The following KCTD19 variants were observed in gnomAD, a reference collection of about 807,000 sequenced individuals.
The protein encoded by KCTD19 is potassium channel tetramerization domain containing 19.
A neutral mutation model predicts 103.5 loss-of-function variants in KCTD19; 67 were observed. That is an observed-to-expected ratio of 0.65 (90% CI 0.53 to 0.79). The LOEUF (loss-of-function observed/expected upper bound fraction) is 0.79. KCTD19 is among the 30% of genes least tolerant of loss of function. The pLI is 0.00. For missense variants in KCTD19, 980 were observed against 1,136.1 expected (o/e 0.86, Z 1.98); for synonymous variants, 439 against 452.2 (o/e 0.97, Z 0.37).
At chr16:67,295,872 G>A in intron 8 of KCTD19, 2 of 401,058 alleles carry the variant, frequency 5.0e-6, no homozygotes, top group South Asian at 5.3e-5. Flanking sequence ...AGCCTCCCAA[G>A]TATCTGGGAT....
rs187873113 is a variant in KCTD19, at chr16:67,313,138, C to T, written c.300+7451G>A. On this transcript the variant is annotated intron_variant, in intron 2 of 15. Transcript: ENST00000304372. ...TTTTTTTTTTTTTTTGAGACAGAGT[C>T]TCCCTCAGTCGCCCAGGCTGGAGTG... Among the ~76,000 whole-genome samples, 434 of 149,880 alleles carry T rather than the reference C, an allele frequency of 2.9e-3. 1 individual carries two copies. The highest frequency in any genetic ancestry group is 0.01 in the African/African-American group (417 of 40,644).
At chr16:67,312,844 TC>T (rs2036963259) in intron 2 of KCTD19, among the ~76,000 whole-genome samples, 1 of 152,214 alleles carries the variant, frequency 6.6e-6, no homozygotes, top group East Asian at 1.9e-4. Flanking sequence ...ACCACCATTA[TC>T]TTTCATCTGG....
At chr16:67,297,997 T>C (rs1196696127) in intron 6 of KCTD19, among the ~76,000 whole-genome samples, 2 of 144,470 alleles carry the variant, frequency 1.4e-5, no homozygotes, top group South Asian at 2.2e-4. Context: ...TCTTTTTTTT[T>C]TTTTTTCTTT....
intron 2 of KCTD19, among the ~76,000 whole-genome samples, chr16:67,308,755 T>A (rs2036920201): frequency 6.6e-6 from 1 of 152,144 alleles, no homozygotes; most frequent in Admixed American, 6.5e-5. Context: ...CTTCCCCCTA[T>A]ACCAAGCTTC....
At chr16:67,309,774 G>A (rs1343331265) in intron 2 of KCTD19, among the ~76,000 whole-genome samples, 1 of 152,180 alleles carries the variant, frequency 6.6e-6, no homozygotes. Context: ...GTTTGGTACT[G>A]GATGTGTCCT....
intron 2 of KCTD19, among the ~76,000 whole-genome samples, chr16:67,313,774 G>C (rs1195055416): frequency 6.6e-6 from 1 of 151,934 alleles, no homozygotes; most frequent in Non-Finnish European, 1.5e-5. Flanking sequence ...TTTTAGTAGA[G>C]ATGGGGTTTC....
Position 67,320,615 on chromosome 16 carries a change from C to G in KCTD19, c.274G>C (p.Gly92Arg), listed in dbSNP as rs751014926. The change falls in exon 2 of 16, where the codon GGT becomes CGT. Residue 92 changes from glycine to arginine, a missense_variant. By Grantham distance (125) the Gly-to-Arg change is moderately radical (BLOSUM62 -2). Coordinates refer to ENST00000304372, the MANE Select transcript of KCTD19 (RefSeq NM_001100915.3). This position sits in a 1 kb window ranked among gnomAD's most constrained non-coding sequence, Gnocchi z 4.0. ...ELNLLYEQAL[G>R]LQLMPLLQTL... ...TGCAGCAAAGGCATCAGCTGCAAAC[C>G]CAATGCTTGCTCATACAGCAAGTTC... 1 of 1,614,014 alleles carries G rather than the reference C, an allele frequency of 6.2e-7. No homozygotes were observed. Among genetic ancestry groups the G allele is most frequent in the Admixed American group, 1.7e-5 (1 of 59,996 alleles).
At chr16:67,297,036 T>C (rs2036772470) in intron 7 of KCTD19, among the ~76,000 whole-genome samples, 2 of 152,176 alleles carry the variant, frequency 1.3e-5, no homozygotes, top group Non-Finnish European at 2.9e-5. Context: ...AAATTTTTGG[T>C]AATAAGAAGT....
At chr16:67,319,210 C>T (rs1046995443) in intron 2 of KCTD19, among the ~76,000 whole-genome samples, 10 of 147,406 alleles carry the variant, frequency 6.8e-5, no homozygotes, top group Non-Finnish European at 1.2e-4. Context: ...GTAACAAGAG[C>T]GAAATTCCAT....
chr16:67,314,875 G>GA (rs1567453832), intron 2 of KCTD19, among the ~76,000 whole-genome samples: 67 of 52,710 alleles, frequency 1.3e-3, no homozygotes, highest in African/African-American at 4.3e-3. Flanking sequence ...AGAGAGAGAG[G>GA]GGAAGGGTCT....
At position 67,303,946 on chromosome 16, in the gene KCTD19, C is replaced by G. The variant is rs1417537062; in HGVS notation, c.451+475G>C. Among the ~76,000 whole-genome samples the G allele has an allele frequency of 6.6e-6, 1 of 152,208 alleles. No homozygotes were observed. Among genetic ancestry groups the G allele is most frequent in the South Asian group, 2.1e-4 (1 of 4,830 alleles). The stretch of plus-strand genomic sequence containing the variant: ...ATTAAATTCATTTACCCATTTGATT[C>G]TAATTGATCAAACCAAACACAGTGA... On this transcript the variant is annotated intron_variant, in intron 3 of 15. Transcript: ENST00000304372. The surrounding 1 kb of genome is among the most constrained non-coding windows in gnomAD (Gnocchi z 4.3).
At chr16:67,310,079 C>T (rs1214916029) in intron 2 of KCTD19, among the ~76,000 whole-genome samples, 1 of 152,240 alleles carries the variant, frequency 6.6e-6, no homozygotes, top group Non-Finnish European at 1.5e-5. Flanking sequence ...GTTTCCCGAA[C>T]TCTGTCAACC....
intron 2 of KCTD19, among the ~76,000 whole-genome samples, chr16:67,312,446 A>G (rs1305385577): frequency 1.3e-5 from 2 of 152,196 alleles, no homozygotes; most frequent in Non-Finnish European, 1.5e-5. Context: ...TATAAACAAT[A>G]TACAGTATTC....
chr16:67,309,148 AAAAGAAAG>A (rs957971945), intron 2 of KCTD19, among the ~76,000 whole-genome samples: 7 of 151,902 alleles, frequency 4.6e-5, no homozygotes, highest in African/African-American at 1.7e-4. Flanking sequence ...AAAAAAAGAA[AAAAGAAAG>A]AAAGAAAGAA....
chr16:67,302,340 G>A (rs1172035972), intron 4 of KCTD19: 1 of 193,564 alleles, frequency 5.2e-6, no homozygotes, highest in Non-Finnish European at 1.1e-5. Flanking sequence ...CTGGACTGCA[G>A]TATGGGAGGC....
intron 15 of KCTD19, 113 bp from the exon 16 acceptor site, chr16:67,289,795 G>A (rs1440299527): frequency 4.3e-6 from 3 of 695,002 alleles, no homozygotes; most frequent in Non-Finnish European, 7.6e-6. Context: ...GGCTGTTGGG[G>A]ACTTTTGATG....
chr16:67,311,831 C>A (rs2036952848), intron 2 of KCTD19, among the ~76,000 whole-genome samples: 1 of 152,020 alleles, frequency 6.6e-6, no homozygotes, highest in Non-Finnish European at 1.5e-5. Context: ...AGCCCTGATG[C>A]CACGTCAAGG....
At chr16:67,317,206 C>G (rs1303264184) in intron 2 of KCTD19, among the ~76,000 whole-genome samples, 1 of 152,072 alleles carries the variant, frequency 6.6e-6, no homozygotes. Context: ...TGAGACCCAG[C>G]ACGGTGGCTC....
chr16:67,305,651 C>CT (rs757437769), intron 2 of KCTD19: 552 of 439,324 alleles, frequency 1.3e-3, no homozygotes, highest in East Asian at 3.8e-3. Context: ...CACCCCCTCC[C>CT]TTTTTTTTTC....
Sources: gnomAD v4.1 joint callset for allele counts (sites outside exome capture counted in the v4.1 genomes callset) on GRCh38, gnomAD v4.1.1 for gene constraint, Gnocchi (gnomAD v3.1) non-coding constraint, MANE v1.5 for transcripts, NCBI Gene and HGNC (gene_info 2026-07-23, HGNC 2026-07-21) for gene names.